Variants in PLEK2 observed in about 807,000 individuals in gnomAD.
PLEK2 encodes the protein pleckstrin-2.
PLEK2 carries 29 observed loss-of-function variants against 43.8 expected under a neutral mutation model. The ratio of observed to expected loss-of-function variants is 0.66; its 90% confidence interval spans 0.49 to 0.90. The LOEUF (loss-of-function observed/expected upper bound fraction) is 0.90, where lower values mean the gene tolerates loss of function less well. Ranked by LOEUF, PLEK2 falls within the 40% of genes least tolerant of loss-of-function variation. The probability of loss-of-function intolerance (pLI) is 0.00; values close to 1 mark genes in which losing one functional copy is unlikely to be tolerated. For missense variants in PLEK2, 398 were observed against 448.1 expected, an observed-to-expected ratio of 0.89 and a Z score of 1.01; for synonymous variants, 162 against 173.2, an observed-to-expected ratio of 0.94 and a Z score of 0.51.
At position 67,392,908 on chromosome 14, in the gene PLEK2, T is replaced by A. The variant is rs954550079; in HGVS notation, c.482-59A>T. On this transcript the variant is annotated intron_variant, in intron 4 of 8. Coordinates refer to ENST00000216446, the MANE Select transcript of PLEK2 (RefSeq NM_016445.3). Reference sequence around the variant, plus strand: ...GATGGACCAGCGTCCTTGGGGTGTGTGGCCAATGACCTCACTGACCTTGGC... The same window carrying A: ...GATGGACCAGCGTCCTTGGGGTGTGAGGCCAATGACCTCACTGACCTTGGC... 3 of 1,417,004 alleles carry A rather than the reference T, an allele frequency of 2.1e-6. No homozygotes were observed. The African/African-American group carries it at 4.2e-5, about 20-fold the overall frequency. 87.8% of individuals were successfully genotyped at this position (1,417,004 alleles called of 1,614,324 possible).
At chr14:67,388,436 C>T in intron 7 of PLEK2, 134 bp from the exon 8 acceptor site, 1 of 672,746 alleles carries the variant, frequency 1.5e-6, no homozygotes, top group Middle Eastern at 2.5e-4. Context: ...TGAACTTGGA[C>T]ATCACATGGC....
intron 1 of PLEK2, among the ~76,000 whole-genome samples, chr14:67,407,165 G>A (rs891520894): frequency 9.2e-5 from 14 of 151,958 alleles, no homozygotes; most frequent in African/African-American, 3.1e-4. Flanking sequence ...ACTGTCGCCC[G>A]GGCTAGAGTG....
intron 1 of PLEK2, among the ~76,000 whole-genome samples, chr14:67,401,436 C>T (rs2086048472): frequency 6.6e-6 from 1 of 152,040 alleles, no homozygotes; most frequent in Admixed American, 6.6e-5. Context: ...TGCTGGGGCC[C>T]AGGAGGTTAA....
At chr14:67,393,794 A>T (rs1246913314) in intron 3 of PLEK2, among the ~76,000 whole-genome samples, 1 of 152,158 alleles carries the variant, frequency 6.6e-6, no homozygotes, top group Admixed American at 6.5e-5. Flanking sequence ...CGGTGTTCCC[A>T]TAGCACGGCT....
rs1049547979 is a variant in PLEK2 at position 67,410,413 on chromosome 14, A to C, written c.42+1605T>G. Among the ~76,000 whole-genome samples the C allele has an allele frequency of 4.6e-5, 7 of 152,214 alleles. No homozygotes were observed. The South Asian group carries it at 1.5e-3, about 32-fold the overall frequency. ...CTCTCCCTCCCACCTCCCAAGCCGC[A>C]GTTAAATGTGAGATTAGGAGCTCCC... is the stretch of plus-strand genomic sequence containing the variant. On this transcript the variant is annotated intron_variant, in intron 1 of 8. Transcript: ENST00000216446.
chr14:67,400,764 G>T (rs1326306303), intron 1 of PLEK2, among the ~76,000 whole-genome samples: 1 of 152,084 alleles, frequency 6.6e-6, no homozygotes, highest in Non-Finnish European at 1.5e-5. Context: ...AAGGTAGGAG[G>T]ATCACTTGAG....
At chr14:67,391,572 G>A (rs1392621536) in intron 6 of PLEK2, among the ~76,000 whole-genome samples, 1 of 152,210 alleles carries the variant, frequency 6.6e-6, no homozygotes. Context: ...CATGCTCCGA[G>A]TAACGATGGG....
chr14:67,403,542 A>G (rs1275058795), intron 1 of PLEK2, among the ~76,000 whole-genome samples: 3 of 152,240 alleles, frequency 2.0e-5, no homozygotes, highest in Non-Finnish European at 4.4e-5. Context: ...TATGTCCTCC[A>G]AGAAACCCCT....
chr14:67,402,943 G>A (rs2086058412), intron 1 of PLEK2, among the ~76,000 whole-genome samples: 2 of 152,276 alleles, frequency 1.3e-5, no homozygotes, highest in East Asian at 3.9e-4. Context: ...ACCCAGCAGT[G>A]GAATTGCTGG....
intron 2 of PLEK2, 131 bp downstream of exon 2, chr14:67,397,531 C>A (rs2086019309): frequency 1.4e-6 from 1 of 723,272 alleles, no homozygotes; most frequent in Non-Finnish European, 2.2e-6. Context: ...GTGGCGGAGC[C>A]AGGATTTGAA....
At chr14:67,398,288 G>A (rs2086025397) in intron 1 of PLEK2, among the ~76,000 whole-genome samples, 1 of 152,068 alleles carries the variant, frequency 6.6e-6, no homozygotes, top group African/African-American at 2.4e-5. Context: ...ACAGTGGCAT[G>A]ACCTCAGCTC....
At chr14:67,402,656 C>T (rs543100139) in intron 1 of PLEK2, among the ~76,000 whole-genome samples, 40 of 152,242 alleles carry the variant, frequency 2.6e-4, no homozygotes, top group African/African-American at 8.9e-4. Context: ...TTAGAGCTGG[C>T]GAATAAGTGA....
chr14:67,396,299 C>CGGGGT (rs1347154827), intron 2 of PLEK2, among the ~76,000 whole-genome samples: 2 of 151,630 alleles, frequency 1.3e-5, no homozygotes, highest in Non-Finnish European at 1.5e-5. Context: ...AGACGCCCAC[C>CGGGGT]ACCCCGCCTG....
chr14:67,402,737 A>C (rs2086056894), intron 1 of PLEK2, among the ~76,000 whole-genome samples: 1 of 152,128 alleles, frequency 6.6e-6, no homozygotes, highest in African/African-American at 2.4e-5. Context: ...TTCCATCCAC[A>C]TTGTTGCAAA....
intron 1 of PLEK2, among the ~76,000 whole-genome samples, chr14:67,405,360 A>G (rs1429440538): frequency 6.6e-6 from 1 of 152,162 alleles, no homozygotes; most frequent in Non-Finnish European, 1.5e-5. Context: ...ATACACAAAA[A>G]TCCTGATGAG....
At chr14:67,410,998 TTAGCTGGGCATAGTAGTGGATACCTG>T (rs1267602625) in intron 1 of PLEK2, among the ~76,000 whole-genome samples, 2 of 151,798 alleles carry the variant, frequency 1.3e-5, no homozygotes, top group Non-Finnish European at 2.9e-5. Flanking sequence ...AATACAAAAA[TTAGCTGGGCATAGTAGTGGATACCTG>T]TAGTCCCAGC....
At chr14:67,391,140 C>G (rs2085963325) in intron 6 of PLEK2, among the ~76,000 whole-genome samples, 1 of 152,182 alleles carries the variant, frequency 6.6e-6, no homozygotes, top group Non-Finnish European at 1.5e-5. Flanking sequence ...AACAAACCTA[C>G]AGCTACATGT....
chr14:67,403,212 T>C (rs1032087700), intron 1 of PLEK2, among the ~76,000 whole-genome samples: 1 of 152,254 alleles, frequency 6.6e-6, no homozygotes, highest in Non-Finnish European at 1.5e-5. Context: ...TTGCCATTTG[T>C]ATGTCTTCTT....
rs775701733 is a variant in PLEK2 at position 67,397,685 on chromosome 14, AG to A, written c.183del (p.Cys62AlafsTer13). 6.2e-7 allele frequency: 1 copy of A among 1,612,838 alleles called. No homozygotes were observed. Among genetic ancestry groups the A allele is most frequent in the Non-Finnish European group, 8.5e-7 (1 of 1,179,486 alleles). On this transcript the variant is annotated frameshift_variant, in exon 2 of 9. Transcript: ENST00000216446. LOFTEE classifies it high-confidence loss of function. ...ACCGGTCGGTTTTCATACTCCAGGC[AG>A]GGGCAGGTGATGGTGCAGCCATCCA... The part of the protein sequence containing the change: ...ILLDGCTITC[P>X]CLEYENRPLL...
Sources: allele counts gnomAD v4.1 joint callset (sites outside exome capture counted in the v4.1 genomes callset), GRCh38; gene constraint gnomAD v4.1.1; transcripts MANE v1.5; gene names NCBI Gene and HGNC (gene_info 2026-07-23, HGNC 2026-07-21).